Variants in DCAF10 observed in about 807,000 individuals in gnomAD.
The protein encoded by DCAF10 is DDB1 and CUL4 associated factor 10.
A neutral mutation model predicts 51.9 loss-of-function variants in DCAF10; 19 were observed. The observed-to-expected ratio is 0.37, with a 90% confidence interval of 0.26 to 0.54. The LOEUF (loss-of-function observed/expected upper bound fraction) is 0.54, where lower values mean the gene tolerates loss of function less well. DCAF10 is among the 20% of genes least tolerant of loss of function. DCAF10 has a pLI of 0.87. For synonymous variants in DCAF10, 291 were observed against 297.1 expected, an observed-to-expected ratio of 0.98 and a Z score of 0.21; for missense variants, 510 against 730.6, an observed-to-expected ratio of 0.70 and a Z score of 3.48.
intron 2 of DCAF10, among the ~76,000 whole-genome samples, chr9:37,839,167 C>T (rs995359124): frequency 1.2e-4 from 18 of 151,838 alleles, no homozygotes. Context: ...CAATTCTCTG[C>T]CTCTGCCTCA....
Position 37,801,672 on chromosome 9 carries a change from C to T in DCAF10, c.539+267C>T, listed in dbSNP as rs1231655935. ...AGGAGAAATGCCCGAAGCTACACAG[C>T]GGACCTGTCAGAGCCAGCCCACAAC... On this transcript the variant is annotated intron_variant, in intron 1 of 6. Transcript: ENST00000377724. This position sits in a 1 kb window ranked among gnomAD's most constrained non-coding sequence, Gnocchi z 5.5. Among the ~76,000 whole-genome samples the T allele has an allele frequency of 1.3e-5, 2 of 152,258 alleles. No homozygotes were observed. The highest frequency in any genetic ancestry group is 2.9e-5 in the Non-Finnish European group (2 of 68,050).
intron 1 of DCAF10, among the ~76,000 whole-genome samples, chr9:37,807,665 T>G (rs1405109735): frequency 1.4e-5 from 2 of 144,698 alleles, no homozygotes; most frequent in African/African-American, 5.1e-5. Context: ...TTTCTTTTTT[T>G]TTTTTTTTTT....
chr9:37,835,918 A>C (rs2117986469), intron 2 of DCAF10: 1 of 1,178,558 alleles, frequency 8.5e-7, no homozygotes, highest in Non-Finnish European at 1.3e-6. Context: ...TACCCACTTC[A>C]TATTGGTACT....
intron 2 of DCAF10, among the ~76,000 whole-genome samples, chr9:37,832,561 T>C (rs1830039181): frequency 6.6e-6 from 1 of 152,218 alleles, no homozygotes; most frequent in Non-Finnish European, 1.5e-5. Context: ...TTTCAAACTA[T>C]ATAATGCAAA....
chr9:37,833,066 A>G (rs1027273672), intron 2 of DCAF10, among the ~76,000 whole-genome samples: 2 of 152,038 alleles, frequency 1.3e-5, no homozygotes, highest in African/African-American at 4.8e-5. Context: ...GGGTTTCTCT[A>G]TGTTGCCGGG....
At chr9:37,845,863 G>GA (rs1367090156) in intron 3 of DCAF10, among the ~76,000 whole-genome samples, 11 of 152,064 alleles carry the variant, frequency 7.2e-5, no homozygotes, top group African/African-American at 2.4e-4. Flanking sequence ...TAAAGAAATG[G>GA]AAAAAATGAG....
intron 1 of DCAF10, among the ~76,000 whole-genome samples, chr9:37,812,800 A>AT (rs1241373231): frequency 1.3e-5 from 2 of 152,040 alleles, no homozygotes; most frequent in Non-Finnish European, 2.9e-5. Context: ...TGGCTGGCTA[A>AT]TTTTTTTATT....
intron 4 of DCAF10, among the ~76,000 whole-genome samples, chr9:37,856,697 G>C (rs1213721422): frequency 6.6e-6 from 1 of 152,072 alleles, no homozygotes; most frequent in East Asian, 1.9e-4. Context: ...TTTAGGCCCA[G>C]CTACTCAGGA....
Position 37,867,321 on chromosome 9 carries a change from T to TA in DCAF10, c.*5814dup, listed in dbSNP as rs1564059419. On this transcript the variant is annotated 3_prime_UTR_variant, in exon 7 of 7. Transcript: ENST00000377724. ...TAAATCTGGTCCAAAGTCTTTAAAA[T>TA]AGGTAGATTTTCAGCTTTCTTAAGT... The TA allele has an allele frequency of 6.6e-6, 1 of 152,134 alleles. No homozygotes were observed. Among genetic ancestry groups the TA allele is most frequent in the African/African-American group, 2.4e-5 (1 of 41,452 alleles). The allele number at this position is 152,134 out of a possible 1,614,324, so 9.4% of individuals were successfully genotyped here.
intron 2 of DCAF10, among the ~76,000 whole-genome samples, chr9:37,826,913 C>A (rs1049460143): frequency 6.7e-6 from 1 of 149,628 alleles, no homozygotes; most frequent in Non-Finnish European, 1.5e-5. Flanking sequence ...ACAACCTCTG[C>A]CTTCCAGGTT....
chr9:37,801,722 T>C lies in DCAF10; in HGVS notation c.539+317T>C, dbSNP rs915236876. Reference sequence around the variant, plus strand: ...CTAGGGCTTTCTGGTACACAGTAGGTGCTCAGTAAATACATTTTGAATAAA... The same window carrying C: ...CTAGGGCTTTCTGGTACACAGTAGGCGCTCAGTAAATACATTTTGAATAAA... On this transcript the variant is annotated intron_variant, in intron 1 of 6. Transcript: ENST00000377724. This position sits in a 1 kb window ranked among gnomAD's most constrained non-coding sequence, Gnocchi z 5.5. Among the ~76,000 whole-genome samples, 1 of 152,186 alleles carries C rather than the reference T, an allele frequency of 6.6e-6. No homozygotes were observed. The highest frequency in any genetic ancestry group is 1.5e-5 in the Non-Finnish European group (1 of 68,026).
At chr9:37,804,178 G>GA (rs748311141) in intron 1 of DCAF10, among the ~76,000 whole-genome samples, 10 of 151,202 alleles carry the variant, frequency 6.6e-5, no homozygotes, top group Non-Finnish European at 1.5e-4. Context: ...TTGAAAATAT[G>GA]AAAAGGAGAT....
intron 1 of DCAF10, among the ~76,000 whole-genome samples, chr9:37,816,343 C>A (rs563612008): frequency 6.2e-4 from 94 of 152,272 alleles, no homozygotes; most frequent in African/African-American, 2.0e-3. Flanking sequence ...AATCCCAGCA[C>A]TTTGGGAGGC....
At position 37,801,219 on chromosome 9, in the gene DCAF10, GC is replaced by G; in HGVS notation, c.356del (p.Pro119LeufsTer9). 6.4e-7 allele frequency: 1 copy of G among 1,566,140 alleles called. No homozygotes were observed. The highest frequency in any genetic ancestry group is 8.6e-7 in the Non-Finnish European group (1 of 1,158,832). On this transcript the variant is annotated frameshift_variant, in exon 1 of 7. Transcript: ENST00000377724. LOFTEE classifies it high-confidence loss of function. This position sits in a 1 kb window ranked among gnomAD's most constrained non-coding sequence, Gnocchi z 5.5. ...CACGGCCTCGGCGCGGGCCTGGGCG[GC>G]CCTGGCGCTAGGCTGTTCGGGTGGC... ...GRHGLGAGLGGPGARLFGWLK... is the reference protein window; with the variant it reads ...GRHGLGAGLGXPGARLFGWLK...
At chr9:37,860,270 G>A (rs577518317) in intron 6 of DCAF10, 77 bp downstream of exon 6, 22 of 1,560,012 alleles carry the variant, frequency 1.4e-5, no homozygotes, top group Admixed American at 5.3e-5. Flanking sequence ...AGCTTAGGCC[G>A]ATCGCTGACT....
At position 37,861,299 on chromosome 9, in the gene DCAF10, C is replaced by T. The variant is rs1286867193; in HGVS notation, c.1471C>T (p.His491Tyr). The T allele has an allele frequency of 1.2e-6, 2 of 1,614,106 alleles. No individual in the cohort carries two copies. Among genetic ancestry groups the T allele is most frequent in the Non-Finnish European group, 1.7e-6 (2 of 1,180,038 alleles). The change falls in exon 7 of 7, where the codon CAT (histidine) becomes TAT (tyrosine). Residue 491 changes from histidine to tyrosine, a missense_variant. Coordinates refer to ENST00000377724, the MANE Select transcript of DCAF10 (RefSeq NM_024345.5). This position sits in a 1 kb window ranked among gnomAD's most constrained non-coding sequence, Gnocchi z 4.9. ...SPDGRMISSPHGYGIRLLGFD... is the reference protein window; with the variant it reads ...SPDGRMISSPYGYGIRLLGFD... ...CGATGGACGAATGATTTCTTCCCCA[C>T]ATGGCTATGGGATTCGCTTGTTGGG...
intron 2 of DCAF10, among the ~76,000 whole-genome samples, chr9:37,834,758 A>G (rs913867015): frequency 1.1e-4 from 17 of 151,562 alleles, no homozygotes; most frequent in African/African-American, 4.1e-4. Context: ...AGCTTTTTAG[A>G]AAATATTTTT....
At chr9:37,846,637 A>G (rs1256054519) in intron 3 of DCAF10, among the ~76,000 whole-genome samples, 1 of 151,990 alleles carries the variant, frequency 6.6e-6, no homozygotes, top group East Asian at 1.9e-4. Flanking sequence ...TTGTATTCTT[A>G]GTAGAGACAG....
Position 37,801,226 on chromosome 9 carries a change from C to A in DCAF10, c.360C>A (p.Gly120=). 1 of 1,571,610 alleles carries A rather than the reference C, an allele frequency of 6.4e-7. No homozygotes were observed. Among genetic ancestry groups the A allele is most frequent in the Non-Finnish European group, 8.6e-7 (1 of 1,161,734 alleles). ...TCGGCGCGGGCCTGGGCGGCCCTGG[C>A]GCTAGGCTGTTCGGGTGGCTGAAAG... is the stretch of plus-strand genomic sequence containing the variant. ...HGLGAGLGGP[G]ARLFGWLKER... Residue 120 remains glycine, a synonymous_variant, in exon 1 of 7, where the codon GGC becomes GGA. Transcript: ENST00000377724. This position sits in a 1 kb window ranked among gnomAD's most constrained non-coding sequence, Gnocchi z 5.5.
Sources: allele counts gnomAD v4.1 joint callset (sites outside exome capture counted in the v4.1 genomes callset), GRCh38; gene constraint gnomAD v4.1.1; non-coding constraint Gnocchi (gnomAD v3.1); transcripts MANE v1.5; gene names NCBI Gene and HGNC (gene_info 2026-07-23, HGNC 2026-07-21).